FUT8: variants seen among roughly 807,000 people sequenced by gnomAD.
The protein encoded by FUT8 is fucosyltransferase 8.
FUT8 carries 29 observed loss-of-function variants against 71.3 expected under a neutral mutation model. The observed-to-expected ratio is 0.41, with a 90% CI of 0.30 to 0.55. The LOEUF (loss-of-function observed/expected upper bound fraction) is 0.55. FUT8 is among the 20% of genes least tolerant of loss of function. The probability of loss-of-function intolerance (pLI) is 0.34; values close to 1 mark genes in which losing one functional copy is unlikely to be tolerated. For synonymous variants in FUT8, 254 were observed against 239.3 expected (o/e 1.06, Z -0.57); for missense variants, 544 against 702.1 (o/e 0.77, Z 2.55).
chr14:65,614,880 A>G (rs1328778727), intron 3 of FUT8, among the ~76,000 whole-genome samples: 1 of 152,164 alleles, frequency 6.6e-6, no homozygotes, highest in African/African-American at 2.4e-5. Context: ...TTAGCCTACC[A>G]CGAAATTGTA....
chr14:65,415,426 T>C (rs1000562379), intron 1 of FUT8, among the ~76,000 whole-genome samples: 3 of 152,222 alleles, frequency 2.0e-5, no homozygotes, highest in African/African-American at 7.2e-5. Flanking sequence ...TTTATTGGAT[T>C]TCTCACTTAA....
At chr14:65,680,853 TAGAA>T (rs1893002105) in intron 7 of FUT8, among the ~76,000 whole-genome samples, 1 of 152,204 alleles carries the variant, frequency 6.6e-6, no homozygotes, top group Non-Finnish European at 1.5e-5. Flanking sequence ...ACTCCTTGCT[TAGAA>T]TATAGGATAT....
intron 7 of FUT8, among the ~76,000 whole-genome samples, chr14:65,679,674 T>C (rs992047138): frequency 1.3e-5 from 2 of 152,226 alleles, no homozygotes; most frequent in African/African-American, 4.8e-5. Context: ...TGTGCATATA[T>C]ATTAATTTTC....
intron 6 of FUT8, among the ~76,000 whole-genome samples, chr14:65,633,951 G>A (rs1890386170): frequency 1.3e-5 from 2 of 150,436 alleles, no homozygotes; most frequent in South Asian, 4.2e-4. Flanking sequence ...TGGGGGGTCA[G>A]CCCCTGCCCG....
chr14:65,591,891 T>G (rs1887709056), intron 3 of FUT8, among the ~76,000 whole-genome samples: 1 of 148,906 alleles, frequency 6.7e-6, no homozygotes, highest in Non-Finnish European at 1.5e-5. Context: ...ACAGCATACT[T>G]TACTTATGTG....
intron 6 of FUT8, among the ~76,000 whole-genome samples, chr14:65,635,023 G>T (rs2140282108): frequency 6.6e-6 from 1 of 152,196 alleles, no homozygotes; most frequent in Non-Finnish European, 1.5e-5. Context: ...CTATTTTGTA[G>T]TTCTCCTTGT....
chr14:65,657,989 C>T (rs1891770138), intron 6 of FUT8, among the ~76,000 whole-genome samples: 1 of 151,836 alleles, frequency 6.6e-6, no homozygotes. Context: ...AAAATAGAAA[C>T]TTTTTACTTA....
At chr14:65,739,250 A>G (rs17102898) in intron 10 of FUT8, among the ~76,000 whole-genome samples, 15,208 of 151,988 alleles carry the variant, frequency 0.1, 974 homozygotes, top group African/African-American at 0.17. Flanking sequence ...CATTCTTATG[A>G]GAAAAATAAA....
At position 65,595,177 on chromosome 14, in the gene FUT8, A is replaced by G. The variant is rs528103735; in HGVS notation, c.204-20801A>G. ...AGAATATTTAATCTTTGATAATGGCATTTATCTGGCACCTTATATTTACTG... is the reference window on the plus strand; with the variant it reads ...AGAATATTTAATCTTTGATAATGGCGTTTATCTGGCACCTTATATTTACTG... On this transcript the variant is annotated intron_variant, in intron 3 of 10. Transcript: ENST00000673929. Among the ~76,000 whole-genome samples, 13 of 152,246 alleles carry G rather than the reference A, an allele frequency of 8.5e-5. No homozygotes were observed. In the South Asian group the frequency reaches 2.1e-3, roughly 24 times the overall value.
At chr14:65,382,218 C>A in the FUT8 span, among the ~76,000 whole-genome samples, 3 of 152,358 alleles carry the variant, frequency 2.0e-5, no homozygotes, top group African/African-American at 7.2e-5. Context: ...AATGTCCACC[C>A]TTAGCTGCTT....
the FUT8 span, among the ~76,000 whole-genome samples, chr14:65,396,365 G>T: frequency 6.6e-6 from 1 of 152,202 alleles, no homozygotes; most frequent in Non-Finnish European, 1.5e-5. This position sits in a 1 kb window ranked among gnomAD's most constrained non-coding sequence, Gnocchi z 5.5. Context: ...AGACAAAGAG[G>T]TTTAATGGAC....
intron 1 of FUT8, among the ~76,000 whole-genome samples, chr14:65,435,835 A>G (rs1360678769): frequency 7.2e-6 from 1 of 139,758 alleles, no homozygotes; most frequent in Non-Finnish European, 1.6e-5. Context: ...ATAGGTGTAT[A>G]GTTGTATATC....
intron 6 of FUT8, 53 bp downstream of exon 6, chr14:65,629,659 T>A: frequency 8.2e-7 from 1 of 1,221,588 alleles, no homozygotes; most frequent in Non-Finnish European, 1.2e-6. Context: ...AGGATCATAA[T>A]ATAACTAAGA....
chr14:65,736,914 C>G lies in FUT8; in HGVS notation c.1410+3533C>G, dbSNP rs541312500. Among the ~76,000 whole-genome samples the G allele has an allele frequency of 4.4e-4, 67 of 152,124 alleles. 1 individual carries two copies. The highest frequency in any genetic ancestry group is 1.5e-3 in the African/African-American group (62 of 41,514). ...TTTTATTCATGTAAACTTTCTGTCT[C>G]CTATACACTATCCTTTCAGGAATTT... On this transcript the variant is annotated intron_variant, in intron 10 of 10. Transcript: ENST00000673929.
chr14:65,527,932 G>A (rs1294515059), intron 2 of FUT8, among the ~76,000 whole-genome samples: 1 of 152,106 alleles, frequency 6.6e-6, no homozygotes, highest in African/African-American at 2.4e-5. Flanking sequence ...AGGGGTACAC[G>A]GCCATGTGAG....
intron 5 of FUT8, among the ~76,000 whole-genome samples, chr14:65,617,950 A>C (rs1889369526): frequency 6.7e-6 from 1 of 149,742 alleles, no homozygotes; most frequent in African/African-American, 2.5e-5. Flanking sequence ...TCTCAAAAAA[A>C]AGATTTGAGT....
At chr14:65,690,387 A>G (rs1893515618) in intron 7 of FUT8, among the ~76,000 whole-genome samples, 2 of 152,176 alleles carry the variant, frequency 1.3e-5, no homozygotes, top group Admixed American at 1.3e-4. Flanking sequence ...TTCTGTATAA[A>G]CTTTAGAATT....
At chr14:65,386,987 G>A in the FUT8 span, among the ~76,000 whole-genome samples, 3 of 151,644 alleles carry the variant, frequency 2.0e-5, no homozygotes, top group Non-Finnish European at 2.9e-5. Flanking sequence ...GATTACAGGC[G>A]CCTACCATCA....
At chr14:65,529,353 TC>T (rs1370858337) in intron 2 of FUT8, among the ~76,000 whole-genome samples, 1 of 152,146 alleles carries the variant, frequency 6.6e-6, no homozygotes, top group African/African-American at 2.4e-5. Context: ...TGCCTCACCC[TC>T]TGGAAGAGCT....
Sources: allele counts gnomAD v4.1 joint callset (sites outside exome capture counted in the v4.1 genomes callset), GRCh38; gene constraint gnomAD v4.1.1; non-coding constraint Gnocchi (gnomAD v3.1); transcripts MANE v1.5; gene names NCBI Gene and HGNC (gene_info 2026-07-23, HGNC 2026-07-21).